Variants in TLN2 observed in about 807,000 individuals in gnomAD.
The protein encoded by TLN2 is talin-2.
Under a neutral mutation model 294.7 loss-of-function variants are expected in TLN2, and 118 were observed. The observed-to-expected ratio is 0.40, with a 90% CI of 0.34 to 0.47. The LOEUF is 0.47. Among genes scored for constraint, TLN2 ranks in the 20% least tolerant of loss-of-function variants. The pLI, the probability that TLN2 is intolerant of heterozygous loss-of-function variation, is 0.84. For missense variants in TLN2, 3,083 were observed against 3,282.2 expected (o/e 0.94, Z 1.48); for synonymous variants, 1,431 against 1,304.5 (o/e 1.10, Z -2.09).
chr15:62,496,569 G>C (rs1287020766), intron 1 of TLN2, among the ~76,000 whole-genome samples: 1 of 152,080 alleles, frequency 6.6e-6, no homozygotes, highest in Non-Finnish European at 1.5e-5. Context: ...ATTCTACCAG[G>C]CTTCTTGCAT....
At chr15:62,518,553 A>T (rs569576169) in intron 1 of TLN2, among the ~76,000 whole-genome samples, 42 of 151,982 alleles carry the variant, frequency 2.8e-4, no homozygotes, top group Middle Eastern at 3.4e-3. Flanking sequence ...GGGCTAGAAC[A>T]TGCAAAATAT....
chr15:62,761,671 C>G lies in TLN2; in HGVS notation c.4639-10C>G. ...CAATTGGGCAGAATCTCCCTGTTTT[C>G]TCCCATCAGGCCCTGGATGGGGATT... On this transcript the variant is annotated splice_polypyrimidine_tract_variant and intron_variant, in intron 37 of 58. Transcript: ENST00000636159. 6.2e-7 allele frequency: 1 copy of G among 1,614,138 alleles called. No individual in the cohort carries two copies. Among genetic ancestry groups the G allele is most frequent in the South Asian group, 1.1e-5 (1 of 91,070 alleles).
At position 62,741,748 on chromosome 15, in the gene TLN2, C is replaced by CGCGTGTGTGTGTGTGTGTGTGTGTGTGT; in HGVS notation, c.4025+980_4025+981insCGTGTGTGTGTGTGTGTGTGTGTGTGTG. On this transcript the variant is annotated intron_variant, in intron 32 of 58. Transcript: ENST00000636159. ...TTAACTTGGTTTTTTAAAATTTGCG[C>CGCGTGTGTGTGTGTGTGTGTGTGTGTGT]GTGTGTGTGTGTGTGTGTGTCTTTA... is the stretch of plus-strand genomic sequence containing the variant. 6.5e-3 allele frequency among the ~76,000 whole-genome samples: 849 copies of CGCGTGTGTGTGTGTGTGTGTGTGTGTGT among 131,132 alleles called. 15 individuals carry two copies. The highest frequency in any genetic ancestry group is 0.015 in the Admixed American group (197 of 12,916). The allele number at this position is 131,132 out of a possible 152,430, so 86.0% of individuals were successfully genotyped here. A position where few individuals can be genotyped will look rare whatever the true frequency, so the allele number is the denominator to read the frequency against.
At chr15:62,723,845 CG>C (rs1381965983) in intron 26 of TLN2, among the ~76,000 whole-genome samples, 3 of 151,830 alleles carry the variant, frequency 2.0e-5, no homozygotes, top group Admixed American at 6.6e-5. Context: ...CCACTGCACC[CG>C]GCAATATTTT....
In TLN2 at chr15:62,789,031, G is replaced by A. The variant is rs528229148; in HGVS notation, c.5737-3610G>A. ...CTGCTGCCCAAAGGGGTGAAACATT[G>A]AGAACAGGGCTGGCTGGGAATCCTG... On this transcript the variant is annotated intron_variant, in intron 45 of 58. Coordinates refer to ENST00000636159, the MANE Select transcript of TLN2 (RefSeq NM_015059.3). Among the ~76,000 whole-genome samples, 23 of 152,314 alleles carry A rather than the reference G, an allele frequency of 1.5e-4. No homozygotes were observed. In the South Asian group the frequency reaches 4.8e-3, roughly 32 times the overall value.
chr15:62,394,018 C>T (rs2032322483), intron 1 of TLN2, among the ~76,000 whole-genome samples: 1 of 152,122 alleles, frequency 6.6e-6, no homozygotes, highest in South Asian at 2.1e-4. Context: ...TCAGGTGATC[C>T]ACCCGCCTCG....
chr15:62,840,148 C>CT (rs1454056932), intron 58 of TLN2, among the ~76,000 whole-genome samples: 1 of 152,178 alleles, frequency 6.6e-6, no homozygotes, highest in African/African-American at 2.4e-5. Flanking sequence ...AAAAACAAGA[C>CT]TTTCAACAGG....
intron 9 of TLN2, among the ~76,000 whole-genome samples, chr15:62,667,176 C>T (rs1027093263): frequency 6.6e-6 from 1 of 152,110 alleles, no homozygotes; most frequent in Non-Finnish European, 1.5e-5. Context: ...CCATGTTAGC[C>T]AGGATGGTCT....
chr15:62,635,684 T>G (rs1247957235), intron 3 of TLN2, among the ~76,000 whole-genome samples: 1 of 152,178 alleles, frequency 6.6e-6, no homozygotes, highest in Non-Finnish European at 1.5e-5. Flanking sequence ...ACATAATCTC[T>G]ATTAAGCCTA....
intron 1 of TLN2, among the ~76,000 whole-genome samples, chr15:62,422,427 G>A (rs751636707): frequency 1.3e-5 from 2 of 152,012 alleles, no homozygotes; most frequent in African/African-American, 2.4e-5. Context: ...ACTTCAGATT[G>A]TCTCTTGTGC....
intron 1 of TLN2, among the ~76,000 whole-genome samples, chr15:62,462,863 T>C (rs747240745): frequency 7.2e-5 from 11 of 152,172 alleles, no homozygotes; most frequent in Non-Finnish European, 1.0e-4. Flanking sequence ...AAAATGCCCT[T>C]GTTAGGAAAT....
intron 50 of TLN2, among the ~76,000 whole-genome samples, chr15:62,801,464 G>C (rs1247056177): frequency 2.0e-5 from 3 of 152,172 alleles, no homozygotes; most frequent in Non-Finnish European, 2.9e-5. Flanking sequence ...TTTGATAGGA[G>C]GTCTGATCAC....
intron 1 of TLN2, among the ~76,000 whole-genome samples, chr15:62,559,209 A>G (rs1029364511): frequency 1.3e-5 from 2 of 152,182 alleles, no homozygotes; most frequent in African/African-American, 4.8e-5. Context: ...AGAGCTCTAA[A>G]TAGCCTCTTC....
chr15:62,764,369 GGATGGTCTGTTTAT>G (rs1329280769), intron 40 of TLN2, among the ~76,000 whole-genome samples: 3 of 152,040 alleles, frequency 2.0e-5, no homozygotes, highest in African/African-American at 7.2e-5. Flanking sequence ...TAATAAACAT[GGATGGTCTGTTTAT>G]TGATGTTTAT....
At chr15:62,520,883 TA>T (rs1455375404) in intron 1 of TLN2, among the ~76,000 whole-genome samples, 2 of 152,236 alleles carry the variant, frequency 1.3e-5, no homozygotes, top group Non-Finnish European at 2.9e-5. Flanking sequence ...ATGTACTTGT[TA>T]AATTTTTGAA....
At position 62,815,029 on chromosome 15, in the gene TLN2, G is replaced by A. The variant is rs188806749; in HGVS notation, c.6772-4487G>A. On this transcript the variant is annotated intron_variant, in intron 52 of 58. Coordinates refer to ENST00000636159, the MANE Select transcript of TLN2 (RefSeq NM_015059.3). Reference sequence around the variant, plus strand: ...TTCTAATGACAATCAGAAAATGAAAGCCAAATTGCTAATCTAGAGAAGACA... The same window carrying A: ...TTCTAATGACAATCAGAAAATGAAAACCAAATTGCTAATCTAGAGAAGACA... 2.0e-4 allele frequency among the ~76,000 whole-genome samples: 31 copies of A among 152,290 alleles called. 1 individual carries two copies. The highest frequency in any genetic ancestry group is 3.4e-3 in the Middle Eastern group (1 of 294).
At chr15:62,536,698 C>A (rs1046806824) in intron 1 of TLN2, among the ~76,000 whole-genome samples, 6 of 152,100 alleles carry the variant, frequency 3.9e-5, no homozygotes, top group Non-Finnish European at 8.8e-5. Flanking sequence ...CTCCTTGGGC[C>A]TTGTAAAGTC....
At chr15:62,806,819 T>C (rs1445599604) in intron 51 of TLN2, among the ~76,000 whole-genome samples, 2 of 152,162 alleles carry the variant, frequency 1.3e-5, no homozygotes, top group Non-Finnish European at 2.9e-5. Context: ...AGGGCAGAAT[T>C]GAAGACCAGC....
chr15:62,392,566 A>G (rs569252236), intron 1 of TLN2, among the ~76,000 whole-genome samples: 10 of 152,202 alleles, frequency 6.6e-5, no homozygotes, highest in Non-Finnish European at 1.2e-4. Context: ...CTTTTGAAGT[A>G]GACTGTGACC....
Sources: allele counts gnomAD v4.1 joint callset (sites outside exome capture counted in the v4.1 genomes callset), GRCh38; gene constraint gnomAD v4.1.1; transcripts MANE v1.5; gene names NCBI Gene and HGNC (gene_info 2026-07-23, HGNC 2026-07-21).